MTSS2: variants seen among roughly 807,000 people sequenced by gnomAD.
MTSS2 encodes the protein protein MTSS 2.
In MTSS2, 27 loss-of-function variants were observed where a neutral mutation model predicts 67.1. The observed-to-expected ratio is 0.40, with a 90% confidence interval of 0.30 to 0.55. The LOEUF (loss-of-function observed/expected upper bound fraction) is 0.55. MTSS2 is among the 20% of genes least tolerant of loss of function. The pLI, the probability that MTSS2 is intolerant of heterozygous loss-of-function variation, is 0.43. For missense variants in MTSS2, 1,171 were observed against 1,067.8 expected (o/e 1.10, Z -1.35); for synonymous variants, 624 against 468.6 (o/e 1.33, Z -4.28).
At chr16:70,671,443 G>C (rs1017442710) in intron 11 of MTSS2, among the ~76,000 whole-genome samples, 3 of 151,830 alleles carry the variant, frequency 2.0e-5, no homozygotes, top group African/African-American at 7.3e-5. Context: ...ATGGTGATGG[G>C]TTATAACCCA....
rs769542470 is a variant in MTSS2, at chr16:70,680,781, C to T, written c.205+13G>A. On this transcript the variant is annotated intron_variant, in intron 3 of 14. Coordinates refer to ENST00000338779, the MANE Select transcript of MTSS2 (RefSeq NM_138383.3). Reference sequence around the variant, plus strand: ...CTGGGGCAACCCCAACCTCCAGCCACGCGCCTCCCCACCTCGGGTGTTGGT... The same window carrying T: ...CTGGGGCAACCCCAACCTCCAGCCATGCGCCTCCCCACCTCGGGTGTTGGT... 9.7e-6 allele frequency: 15 copies of T among 1,550,648 alleles called. No homozygotes were observed. Among genetic ancestry groups the T allele is most frequent in the East Asian group, 2.4e-5 (1 of 40,952 alleles).
At chr16:70,674,107 T>TAAAG (rs1429260626) in intron 11 of MTSS2, among the ~76,000 whole-genome samples, 199 bp downstream of exon 11, 2 of 152,148 alleles carry the variant, frequency 1.3e-5, no homozygotes, top group African/African-American at 4.8e-5. Context: ...ATTTAAGATA[T>TAAAG]AAAGATATGT....
rs1268166814 is a variant in MTSS2, at chr16:70,663,921, AGCT to A, written c.1997_1999del (p.Gln666del). 2.6e-6 allele frequency: 4 copies of A among 1,552,120 alleles called. No homozygotes were observed. Among genetic ancestry groups the A allele is most frequent in the South Asian group, 2.4e-5 (2 of 84,684 alleles). On this transcript the variant is annotated inframe_deletion, in exon 15 of 15. Coordinates refer to ENST00000338779, the MANE Select transcript of MTSS2 (RefSeq NM_138383.3). ...CACCAGGCTGTGCCGGTTGGCCGCC[AGCT>A]GCTGCTGCTCGTCCTCGGCCCCTGC...
intron 9 of MTSS2, among the ~76,000 whole-genome samples, chr16:70,677,509 GC>G (rs2142868842): frequency 6.6e-6 from 1 of 152,252 alleles, no homozygotes; most frequent in Admixed American, 6.5e-5. Context: ...CAGGAGGTCT[GC>G]CCACATGGAG....
In MTSS2 at chr16:70,680,775, C is replaced by T; in HGVS notation, c.205+19G>A. On this transcript the variant is annotated intron_variant, in intron 3 of 14. Coordinates refer to ENST00000338779, the MANE Select transcript of MTSS2 (RefSeq NM_138383.3). Reference sequence around the variant, plus strand: ...CCCACCCTGGGGCAACCCCAACCTCCAGCCACGCGCCTCCCCACCTCGGGT... The same window carrying T: ...CCCACCCTGGGGCAACCCCAACCTCTAGCCACGCGCCTCCCCACCTCGGGT... 1 of 1,550,294 alleles carries T rather than the reference C, an allele frequency of 6.5e-7. No individual in the cohort carries two copies. Among genetic ancestry groups the T allele is most frequent in the Non-Finnish European group, 8.7e-7 (1 of 1,146,596 alleles).
chr16:70,681,892 G>A (rs1268475546), intron 1 of MTSS2, among the ~76,000 whole-genome samples: 2 of 152,234 alleles, frequency 1.3e-5, no homozygotes, highest in African/African-American at 2.4e-5. Context: ...GCCCTGTGGA[G>A]GTTTTGCCCC....
rs763826516 is a variant in MTSS2, at chr16:70,663,989, G to A, written c.1932C>T (p.Ala644=). Residue 644 remains alanine (A), a synonymous_variant, in exon 15 of 15, where the codon GCC becomes GCT. Coordinates refer to ENST00000338779, the MANE Select transcript of MTSS2 (RefSeq NM_138383.3). The stretch of plus-strand genomic sequence containing the variant: ...CTGCCTCTGGGGATGGGCTGCCCCA[G>A]GCTGTGTTGGGCAGGCTGAGCCTCT... ...SPKRLSLPNT[A]WGSPSPEAAG... The A allele has an allele frequency of 2.3e-5, 37 of 1,590,258 alleles. No homozygotes were observed. Among genetic ancestry groups the A allele is most frequent in the Non-Finnish European group, 9.4e-6 (11 of 1,169,752 alleles).
At chr16:70,676,754 T>G in intron 10 of MTSS2, 127 bp downstream of exon 10, 1 of 750,450 alleles carries the variant, frequency 1.3e-6, no homozygotes, top group South Asian at 1.7e-5. Flanking sequence ...TGCAAATTCC[T>G]CGGATGGTGT....
At position 70,679,894 on chromosome 16, in the gene MTSS2, G is replaced by A. The variant is rs2053243839; in HGVS notation, c.291-17C>T. The A allele has an allele frequency of 1.3e-6, 2 of 1,584,516 alleles. No homozygotes were observed. The highest frequency in any genetic ancestry group is 1.7e-5 in the Admixed American group (1 of 58,280). On this transcript the variant is annotated splice_polypyrimidine_tract_variant and intron_variant, in intron 4 of 14. Coordinates refer to ENST00000338779, the MANE Select transcript of MTSS2 (RefSeq NM_138383.3). ...AGCAGTGCGCTGCGGAGGGCGGGCG[G>A]GAGCGCAGGTCAGGGCCGGGCTCCC... is the stretch of plus-strand genomic sequence containing the variant.
rs1013433767 is a variant in MTSS2, at chr16:70,662,868, A to C, written c.*809T>G. ...TTGATGTACCCAATGAGAAGTGGAC[A>C]TCTGAAAACGGTGCCTGTGTGGCTG... On this transcript the variant is annotated 3_prime_UTR_variant, in exon 15 of 15. Coordinates refer to ENST00000338779, the MANE Select transcript of MTSS2 (RefSeq NM_138383.3). 1 of 152,416 alleles carries C rather than the reference A, an allele frequency of 6.6e-6. No individual in the cohort carries two copies. Among genetic ancestry groups the C allele is most frequent in the Non-Finnish European group, 1.5e-5 (1 of 68,150 alleles). 9.4% of individuals were successfully genotyped at this position (152,416 alleles called of 1,614,324 possible).
chr16:70,682,048 G>T (rs1477730069), intron 1 of MTSS2, among the ~76,000 whole-genome samples: 2 of 152,210 alleles, frequency 1.3e-5, no homozygotes, highest in African/African-American at 4.8e-5. Flanking sequence ...TCAGAGGGAG[G>T]CTCTGCCTGG....
intron 11 of MTSS2, among the ~76,000 whole-genome samples, chr16:70,667,104 C>A (rs2052742876): frequency 6.6e-6 from 1 of 151,850 alleles, no homozygotes; most frequent in Non-Finnish European, 1.5e-5. Context: ...AGACCCCTGA[C>A]TCTACAAAAA....
Position 70,663,680 on chromosome 16 carries a change from T to C in MTSS2, c.2241A>G (p.Leu747=), listed in dbSNP as rs367614854. 2.4e-4 allele frequency: 380 copies of C among 1,577,378 alleles called. 4 individuals are homozygous for C. In the Middle Eastern group the frequency reaches 3.4e-3, roughly 14 times the overall value. Residue 747 remains leucine, a synonymous_variant, in exon 15 of 15, where the codon TTA becomes TTG. Transcript: ENST00000338779. ...GAGGATGGGGAGGGTGGCGCCATCA[T>C]AAGATGCGGGGCGCCGACCTGTCGT... ...VTNDRSAPRI[L]
rs897087570 is a variant in MTSS2 at position 70,663,241 on chromosome 16, G to A, written c.*436C>T. On this transcript the variant is annotated 3_prime_UTR_variant, in exon 15 of 15. Coordinates refer to ENST00000338779, the MANE Select transcript of MTSS2 (RefSeq NM_138383.3). ...GGGAGAGGCAGAGAGAAGGCAAGAG[G>A]GGAGGAGGGGGCTCAGGCAGGGGAG... The A allele has an allele frequency of 2.2e-4, 38 of 175,718 alleles. No individual in the cohort carries two copies. The highest frequency in any genetic ancestry group is 3.8e-4 in the Non-Finnish European group (32 of 83,454). 10.9% of individuals were successfully genotyped at this position (175,718 alleles called of 1,614,324 possible).
At chr16:70,667,667 G>A (rs2052767596) in intron 11 of MTSS2, among the ~76,000 whole-genome samples, 1 of 152,194 alleles carries the variant, frequency 6.6e-6, no homozygotes, top group Non-Finnish European at 1.5e-5. Context: ...GAGGCCACAA[G>A]TTTGAGACCA....
chr16:70,681,685 T>C (rs2053309374), intron 1 of MTSS2, among the ~76,000 whole-genome samples: 1 of 152,234 alleles, frequency 6.6e-6, no homozygotes, highest in Non-Finnish European at 1.5e-5. Flanking sequence ...GCCACCTTTC[T>C]CCACCCCCTG....
chr16:70,685,725 T>C lies in MTSS2; in HGVS notation c.67A>G (p.Lys23Glu). 1.5e-6 allele frequency: 2 copies of C among 1,371,490 alleles called. No homozygotes were observed. The highest frequency in any genetic ancestry group is 1.5e-5 in the African/African-American group (1 of 66,016). 85.0% of individuals were successfully genotyped at this position (1,371,490 alleles called of 1,614,324 possible). Reference sequence around the variant, plus strand: ...CGGCCCCGCCGCGCCCCGGTTACCTTCATGTCGTTGACTATGGCCTGGAAG... The same window carrying C: ...CGGCCCCGCCGCGCCCCGGTTACCTCCATGTCGTTGACTATGGCCTGGAAG... ...GLFQAIVNDM[K>E]SSYPIWEDFN... Residue 23 changes from lysine (K) to glutamate (E), a missense_variant and splice_region_variant, in exon 1 of 15, where the codon AAG becomes GAG. Coordinates refer to ENST00000338779, the MANE Select transcript of MTSS2 (RefSeq NM_138383.3).
chr16:70,679,889 G>C lies in MTSS2; in HGVS notation c.291-12C>G. On this transcript the variant is annotated splice_polypyrimidine_tract_variant and intron_variant, in intron 4 of 14. Transcript: ENST00000338779. ...TCTCCAGCAGTGCGCTGCGGAGGGC[G>C]GGCGGGAGCGCAGGTCAGGGCCGGG... is the stretch of plus-strand genomic sequence containing the variant. The C allele has an allele frequency of 1.3e-6, 2 of 1,587,916 alleles. No homozygotes were observed. The highest frequency in any genetic ancestry group is 1.3e-5 in the African/African-American group (1 of 74,728).
In MTSS2 at chr16:70,681,030, C is replaced by G; in HGVS notation, c.70-5G>C. 2 of 1,607,974 alleles carry G rather than the reference C, an allele frequency of 1.2e-6. No homozygotes were observed. The highest frequency in any genetic ancestry group is 1.7e-6 in the Non-Finnish European group (2 of 1,177,872). Reference sequence around the variant, plus strand: ...CTCCCAGATAGGGTAGGAGCTCTGCCGGGCAAATGGGAGAGAAAGTGAGCT... The same window carrying G: ...CTCCCAGATAGGGTAGGAGCTCTGCGGGGCAAATGGGAGAGAAAGTGAGCT... On this transcript the variant is annotated splice_region_variant and splice_polypyrimidine_tract_variant and intron_variant, in intron 1 of 14. Coordinates refer to ENST00000338779, the MANE Select transcript of MTSS2 (RefSeq NM_138383.3).
Sources: allele counts gnomAD v4.1 joint callset (sites outside exome capture counted in the v4.1 genomes callset), GRCh38; gene constraint gnomAD v4.1.1; transcripts MANE v1.5; gene names NCBI Gene and HGNC (gene_info 2026-07-23, HGNC 2026-07-21).